Variants in SDHA observed in about 807,000 individuals in gnomAD.
SDHA encodes the protein succinate dehydrogenase complex flavoprotein subunit A, also known as succinate dehydrogenase [ubiquinone] flavoprotein subunit, mitochondrial.
Under a neutral mutation model 78.4 loss-of-function variants are expected in SDHA, and 48 were observed. That is an observed-to-expected ratio of 0.61 (90% CI 0.49 to 0.78). The LOEUF (loss-of-function observed/expected upper bound fraction) is 0.78, where lower values mean the gene tolerates loss of function less well. SDHA is among the 30% of genes least tolerant of loss of function. The pLI, the probability that SDHA is intolerant of heterozygous loss-of-function variation, is 0.00. For missense variants in SDHA, 680 were observed against 892.7 expected, an observed-to-expected ratio of 0.76 and a Z score of 3.04; for synonymous variants, 326 against 353.9, an observed-to-expected ratio of 0.92 and a Z score of 0.88.
chr5:225,560 G>A lies in SDHA; in HGVS notation c.454G>A (p.Glu152Lys), dbSNP rs778737664. ...MTEQAPAAVV[E>K]LENYGMPFSR... is the part of the protein sequence containing the mutation. Reference sequence around the variant, plus strand: ...GGAGCAGGCCCCCGCCGCCGTGGTCGAGGTGATGGGCGGGAGGCTCTGGGT... The same window carrying A: ...GGAGCAGGCCCCCGCCGCCGTGGTCAAGGTGATGGGCGGGAGGCTCTGGGT... Residue 152 changes from glutamate (E) to lysine (K), a missense_variant and splice_region_variant, in exon 4 of 15, where the codon GAG becomes AAG. Coordinates refer to ENST00000264932, the MANE Select transcript of SDHA (RefSeq NM_004168.4). The A allele has an allele frequency of 2.1e-5, 34 of 1,613,840 alleles. No homozygotes were observed. The highest frequency in any genetic ancestry group is 2.7e-5 in the Non-Finnish European group (32 of 1,179,886).
downstream of SDHA, among the ~76,000 whole-genome samples, chr5:259,981 C>T (rs1326208777): frequency 2.5e-4 from 14 of 55,272 alleles, no homozygotes; most frequent in African/African-American, 1.2e-3. Context: ...CTCCGCCTCC[C>T]GCCAGAGCAT....
the SDHA span, among the ~76,000 whole-genome samples, chr5:262,274 GCTCCGCCTCCCGACAGAGC>G: frequency 4.6e-5 from 6 of 131,170 alleles, 2 homozygotes; most frequent in African/African-American, 1.6e-4. Flanking sequence ...TACCGTGTGA[GCTCCGCCTCCCGACAGAGC>G]ATTACCGTGT....
chr5:230,049 A>G (rs1392804225), intron 6 of SDHA, among the ~76,000 whole-genome samples: 9 of 152,240 alleles, frequency 5.9e-5, no homozygotes, highest in Admixed American at 5.9e-4. Context: ...GCTATCGTTA[A>G]TATTATAACT....
intron 10 of SDHA, among the ~76,000 whole-genome samples, chr5:239,349 G>A (rs10076655): frequency 6.6e-6 from 1 of 151,928 alleles, no homozygotes; most frequent in Non-Finnish European, 1.5e-5. Flanking sequence ...GCTCACCTGA[G>A]GTCAGGAGTT....
At chr5:232,949 A>AG (rs1735510938) in intron 7 of SDHA, among the ~76,000 whole-genome samples, 2 of 152,322 alleles carry the variant, frequency 1.3e-5, no homozygotes, top group East Asian at 3.9e-4. Flanking sequence ...TCACTGAGAA[A>AG]GGGGGTCGTA....
chr5:231,559 CAA>C (rs56152705), intron 7 of SDHA, among the ~76,000 whole-genome samples: 15 of 99,158 alleles, frequency 1.5e-4, no homozygotes, highest in Admixed American at 4.3e-4. Context: ...GACTCCGTCT[CAA>C]AAAAAAAAAA....
rs1579409723 is a variant in SDHA at position 236,516 on chromosome 5, A to G, written c.1349A>G (p.Asn450Ser). 1 of 1,614,016 alleles carries G rather than the reference A, an allele frequency of 6.2e-7. No homozygotes were observed. Among genetic ancestry groups the G allele is most frequent in the Non-Finnish European group, 8.5e-7 (1 of 1,179,868 alleles). Residue 450 changes from asparagine (N) to serine (S), a missense_variant, in exon 10 of 15, where the codon AAC (asparagine) becomes AGC (serine). By Grantham distance (46) the Asn-to-Ser change is conservative (BLOSUM62 1). Coordinates refer to ENST00000264932, the MANE Select transcript of SDHA (RefSeq NM_004168.4). ...GCCTGTGCCTCGGTACATGGTGCCAACCGCCTCGGGGCAAACTCGCTCTTG... is the reference window on the plus strand; with the variant it reads ...GCCTGTGCCTCGGTACATGGTGCCAGCCGCCTCGGGGCAAACTCGCTCTTG... ...EAACASVHGA[N>S]RLGANSLLDL...
chr5:263,189 C>T, the SDHA span, among the ~76,000 whole-genome samples: 1 of 152,180 alleles, frequency 6.6e-6, no homozygotes. Flanking sequence ...GTCCTCCTGC[C>T]TCAGCCTCCC....
Position 256,493 on chromosome 5 carries a change from A to G in SDHA, c.*73A>G. 2.3e-6 allele frequency: 3 copies of G among 1,302,118 alleles called. No individual in the cohort carries two copies. The highest frequency in any genetic ancestry group is 2.2e-6 in the Non-Finnish European group (2 of 897,294). 80.7% of individuals were successfully genotyped at this position (1,302,118 alleles called of 1,614,324 possible). ...AATAGCTCATGCATGTGTCCATGTC[A>G]TAACTGTCTTCATACGCTTCTGCAC... is the stretch of plus-strand genomic sequence containing the variant. On this transcript the variant is annotated 3_prime_UTR_variant, in exon 15 of 15. Coordinates refer to ENST00000264932, the MANE Select transcript of SDHA (RefSeq NM_004168.4).
rs1247081812 is a variant in SDHA at position 254,455 on chromosome 5, G to A, written c.1857G>A (p.Glu619=). ...PIQGQQKKPF[E]EHWRKHTLSY... ...AGGGGCAACAGAAGAAGCCCTTTGAGGAGCACTGGAGGAAGCACACCCTGT... is the reference window on the plus strand; with the variant it reads ...AGGGGCAACAGAAGAAGCCCTTTGAAGAGCACTGGAGGAAGCACACCCTGT... Residue 619 remains glutamate (E), a synonymous_variant, in exon 14 of 15, where the codon GAG becomes GAA. Transcript: ENST00000264932. 1.9e-6 allele frequency: 3 copies of A among 1,591,726 alleles called. No homozygotes were observed. Among genetic ancestry groups the A allele is most frequent in the Non-Finnish European group, 2.6e-6 (3 of 1,169,350 alleles).
chr5:251,726 G>C, intron 13 of SDHA: 1 of 1,436,306 alleles, frequency 7.0e-7, no homozygotes, highest in Non-Finnish European at 9.2e-7. Context: ...GCTGTTAGAA[G>C]GCCAAGGTTA....
chr5:249,681 C>G (rs927964186), intron 11 of SDHA: 2 of 152,328 alleles, frequency 1.3e-5, no homozygotes, highest in African/African-American at 4.8e-5. Flanking sequence ...GCTCTCAGCT[C>G]TGAAGGCTGT....
chr5:236,290 C>T (rs6878237), intron 9 of SDHA, 138 bp from the exon 10 acceptor site: 1 of 829,476 alleles, frequency 1.2e-6, no homozygotes, highest in Admixed American at 2.0e-5. Flanking sequence ...TCCCAAAGTG[C>T]TGAGATTACA....
Position 237,941 on chromosome 5 carries a change from G to A in SDHA, c.1432+1342G>A, listed in dbSNP as rs1406843852. On this transcript the variant is annotated intron_variant, in intron 10 of 14. Coordinates refer to ENST00000264932, the MANE Select transcript of SDHA (RefSeq NM_004168.4). ...GGAGTTCAGGTCCATCGTTCCTGAC[G>A]CCGCAGGTAGTGCTTGTCTCACTCC... Among the ~76,000 whole-genome samples the A allele has an allele frequency of 9.6e-5, 13 of 136,086 alleles. 1 individual carries two copies. The highest frequency in any genetic ancestry group is 1.9e-4 in the East Asian group (1 of 5,154). The allele number at this position is 136,086 out of a possible 152,430, so 89.3% of individuals were successfully genotyped here.
downstream of SDHA, among the ~76,000 whole-genome samples, chr5:258,410 G>C (rs1274485489): frequency 2.3e-5 from 3 of 128,070 alleles, 1 homozygote; most frequent in African/African-American, 1.2e-4. Flanking sequence ...ATTACCGTTT[G>C]AGCTCCGCCT....
Position 233,496 on chromosome 5 carries a change from T to G in SDHA, c.915T>G (p.Cys305Trp). 6.2e-7 allele frequency: 1 copy of G among 1,614,240 alleles called. No individual in the cohort carries two copies. The highest frequency in any genetic ancestry group is 8.5e-7 in the Non-Finnish European group (1 of 1,180,030). Residue 305 changes from cysteine to tryptophan, a missense_variant, in exon 8 of 15, where the codon TGT (cysteine) becomes TGG (tryptophan). By Grantham distance (215) the Cys-to-Trp change is radical. Transcript: ENST00000264932. ...TTGCAGGCATATATGGTGCTGGTTGTCTCATTACGGAAGGATGTCGTGGAG... is the reference window on the plus strand; with the variant it reads ...TTGCAGGCATATATGGTGCTGGTTGGCTCATTACGGAAGGATGTCGTGGAG... ...FHPTGIYGAG[C>W]LITEGCRGEG...
In SDHA at chr5:236,736, C is replaced by G. The variant is rs544525602; in HGVS notation, c.1432+137C>G. ...CATAGCAGCCTCAACCTCCCGGGCTCAAGCAGTCTTCAACACCTCAACCTT... is the reference window on the plus strand; with the variant it reads ...CATAGCAGCCTCAACCTCCCGGGCTGAAGCAGTCTTCAACACCTCAACCTT... On this transcript the variant is annotated intron_variant, in intron 10 of 14. Transcript: ENST00000264932. 6.2e-5 allele frequency: 53 copies of G among 848,458 alleles called. No individual in the cohort carries two copies. The South Asian group carries it at 7.2e-4, about 12-fold the overall frequency. The allele number at this position is 848,458 out of a possible 1,614,324, so 52.6% of individuals were successfully genotyped here. A position where few individuals can be genotyped will look rare whatever the true frequency, so the allele number is the denominator to read the frequency against.
chr5:241,807 G>A (rs1736158553), intron 11 of SDHA, among the ~76,000 whole-genome samples: 2 of 152,232 alleles, frequency 1.3e-5, no homozygotes, highest in Non-Finnish European at 2.9e-5. Flanking sequence ...GTCTTCAAGT[G>A]AAGCTGGGCT....
chr5:227,983 T>C (rs1735147371), intron 5 of SDHA: 3 of 586,042 alleles, frequency 5.1e-6, no homozygotes, highest in Non-Finnish European at 9.2e-6. Context: ...CTGCGTTCTC[T>C]AGCACACCTG....
Sources: allele counts gnomAD v4.1 joint callset (sites outside exome capture counted in the v4.1 genomes callset), GRCh38; gene constraint gnomAD v4.1.1; transcripts MANE v1.5; gene names NCBI Gene and HGNC (gene_info 2026-07-23, HGNC 2026-07-21).